The following ZNF722 variants were observed in gnomAD, a reference collection of about 807,000 sequenced individuals.
The protein encoded by ZNF722 is zinc finger protein 479 pseudogene.
the ZNF722 span, among the ~76,000 whole-genome samples, chr7:64,011,211 A>T: frequency 6.6e-6 from 1 of 151,978 alleles, no homozygotes; most frequent in Admixed American, 6.6e-5. Flanking sequence ...CCAATTTGCC[A>T]GTGTGTGTCT....
At chr7:64,012,122 C>G in the ZNF722 span, among the ~76,000 whole-genome samples, 113 of 152,242 alleles carry the variant, frequency 7.4e-4, no homozygotes, top group African/African-American at 2.5e-3. Context: ...TCAGCTCCAT[C>G]CGGTTATTTA....
At chr7:64,007,304 C>T in the ZNF722 span, among the ~76,000 whole-genome samples, 6 of 148,760 alleles carry the variant, frequency 4.0e-5, no homozygotes, top group Non-Finnish European at 5.9e-5. Flanking sequence ...AGGTTTGTTA[C>T]ATATGTATAC....
chr7:64,006,373 A>C, the ZNF722 span: 6 of 1,127,970 alleles, frequency 5.3e-6, no homozygotes, highest in East Asian at 1.6e-4. Flanking sequence ...ACAAATCAAC[A>C]AGGCAGCCAG....
chr7:64,004,296 C>T, the ZNF722 span, among the ~76,000 whole-genome samples: 1 of 149,362 alleles, frequency 6.7e-6, no homozygotes, highest in East Asian at 2.0e-4. Flanking sequence ...GTAATCCCAG[C>T]TACTCAGGAG....
chr7:64,007,725 T>G, the ZNF722 span, among the ~76,000 whole-genome samples: 1 of 152,150 alleles, frequency 6.6e-6, no homozygotes, highest in African/African-American at 2.4e-5. Context: ...GTCTTTATAG[T>G]AGCATGATTT....
the ZNF722 span, among the ~76,000 whole-genome samples, chr7:64,013,176 T>C: frequency 1.3e-4 from 20 of 152,146 alleles, no homozygotes; most frequent in Admixed American, 8.5e-4. Context: ...AGGCTTTCTG[T>C]TTTTTAATTG....
At chr7:64,008,228 G>A in the ZNF722 span, among the ~76,000 whole-genome samples, 21 of 152,258 alleles carry the variant, frequency 1.4e-4, no homozygotes, top group African/African-American at 4.1e-4. Flanking sequence ...CCTTTGCTGT[G>A]CAGAAGCTCT....
At chr7:64,008,041 C>G in the ZNF722 span, among the ~76,000 whole-genome samples, 1 of 152,168 alleles carries the variant, frequency 6.6e-6, no homozygotes, top group Non-Finnish European at 1.5e-5. Flanking sequence ...TAAATATCTT[C>G]TTTTGAGAAG....
the ZNF722 span, among the ~76,000 whole-genome samples, chr7:64,010,544 T>G: frequency 6.6e-6 from 1 of 152,190 alleles, no homozygotes; most frequent in Non-Finnish European, 1.5e-5. Context: ...TCCATGTAGT[T>G]GAGCGGTTTT....
At chr7:64,017,111 C>T in the ZNF722 span, among the ~76,000 whole-genome samples, 2 of 152,008 alleles carry the variant, frequency 1.3e-5, no homozygotes, top group Middle Eastern at 3.2e-3. Context: ...ATAGGTTGGG[C>T]GTGTTGGCTC....
chr7:64,006,416 G>C, the ZNF722 span: 16 of 846,428 alleles, frequency 1.9e-5, no homozygotes, highest in East Asian at 2.9e-5. Flanking sequence ...GCTGTGCTTC[G>C]ATGGAAAGAG....
the ZNF722 span, chr7:64,015,112 G>T: frequency 7.0e-7 from 1 of 1,429,676 alleles, no homozygotes; most frequent in East Asian, 2.3e-5. Context: ...AGAACATATG[G>T]AAAATGTGGA....
At chr7:64,004,451 T>TAG in the ZNF722 span, among the ~76,000 whole-genome samples, 1 of 137,386 alleles carries the variant, frequency 7.3e-6, no homozygotes, top group South Asian at 2.3e-4. Context: ...TATATATATA[T>TAG]ATATAAAATT....
the ZNF722 span, among the ~76,000 whole-genome samples, chr7:64,016,947 ATG>A: frequency 1.3e-5 from 2 of 152,214 alleles, no homozygotes; most frequent in Non-Finnish European, 2.9e-5. Flanking sequence ...GAAATGAAGA[ATG>A]TGGCAAAACT....
At chr7:64,005,642 G>C in the ZNF722 span, 10 of 1,305,596 alleles carry the variant, frequency 7.7e-6, no homozygotes, top group Admixed American at 1.6e-4. Context: ...CATAGCTATA[G>C]AATTCTCTCT....
the ZNF722 span, among the ~76,000 whole-genome samples, chr7:64,004,425 A>ATATATATATATATATATAT: frequency 1.6e-5 from 1 of 61,118 alleles, no homozygotes; most frequent in African/African-American, 8.0e-5. Flanking sequence ...AAAAAAAAAA[A>ATATATATATATATATATAT]ATATATATAT....
chr7:64,016,150 T>G, the ZNF722 span: 1 of 405,252 alleles, frequency 2.5e-6, no homozygotes, highest in Non-Finnish European at 4.3e-6. Context: ...AAAAAAAATA[T>G]TTTTTTGAGA....
chr7:64,002,598 G>C, the ZNF722 span, among the ~76,000 whole-genome samples: 1 of 152,134 alleles, frequency 6.6e-6, no homozygotes, highest in South Asian at 2.1e-4. Context: ...TAAAAATGCT[G>C]TGCTCTTAAT....
the ZNF722 span, among the ~76,000 whole-genome samples, chr7:64,009,947 A>C: frequency 1.3e-5 from 2 of 152,092 alleles, no homozygotes; most frequent in Admixed American, 6.6e-5. Context: ...TCAGGGATTC[A>C]ACTTCTTCTT....
Sources: allele counts gnomAD v4.1 joint callset (sites outside exome capture counted in the v4.1 genomes callset), GRCh38; gene constraint gnomAD v4.1.1; transcripts MANE v1.5; gene names NCBI Gene and HGNC (gene_info 2026-07-23, HGNC 2026-07-21).